The following SLC28A3 variants were observed in gnomAD, a reference collection of about 807,000 sequenced individuals.
SLC28A3 encodes concentrative Na(+)-nucleoside cotransporter 3.
In SLC28A3, 68 loss-of-function variants were observed where a neutral mutation model predicts 84.2. That is an observed-to-expected ratio of 0.81 (90% confidence interval 0.66 to 0.99). The LOEUF (loss-of-function observed/expected upper bound fraction) is 0.99, where lower values mean the gene tolerates loss of function less well. Among genes scored for constraint, SLC28A3 ranks in the 50% least tolerant of loss-of-function variants. The pLI, the probability that SLC28A3 is intolerant of heterozygous loss-of-function variation, is 0.00. For synonymous variants in SLC28A3, 267 were observed against 303.6 expected, an observed-to-expected ratio of 0.88 and a Z score of 1.25; for missense variants, 712 against 841.5, an observed-to-expected ratio of 0.85 and a Z score of 1.90.
chr9:84,305,019 C>T (rs1182883710), intron 4 of SLC28A3, among the ~76,000 whole-genome samples: 1 of 152,004 alleles, frequency 6.6e-6, no homozygotes, highest in African/African-American at 2.4e-5. Context: ...TAGACTCCAT[C>T]TCAAAGAAAA....
At chr9:84,309,011 G>A (rs571102989) in intron 3 of SLC28A3, among the ~76,000 whole-genome samples, 3 of 152,270 alleles carry the variant, frequency 2.0e-5, no homozygotes, top group African/African-American at 4.8e-5. Context: ...AACTGCATTC[G>A]TATGGACTGG....
intron 1 of SLC28A3, among the ~76,000 whole-genome samples, chr9:84,335,712 CGTGTGT>C (rs56259271): frequency 0.21 from 31,431 of 148,854 alleles, 3,891 homozygotes; most frequent in Middle Eastern, 0.29. Context: ...TATGTATATA[CGTGTGT>C]GTGTGTGTGT....
chr9:84,280,760 A>G (rs1824718107), intron 15 of SLC28A3, 41 bp downstream of exon 15: 1 of 1,598,074 alleles, frequency 6.3e-7, no homozygotes, highest in Non-Finnish European at 8.6e-7. Flanking sequence ...AAGTATGTCT[A>G]TGGCACATCT....
intron 1 of SLC28A3, among the ~76,000 whole-genome samples, chr9:84,314,210 C>CT (rs1048330745): frequency 6.6e-5 from 10 of 151,972 alleles, no homozygotes; most frequent in South Asian, 2.1e-4. Flanking sequence ...GAAAAATGCC[C>CT]TTTTTTGTGT....
At chr9:84,315,363 A>C (rs765753352) in intron 1 of SLC28A3, among the ~76,000 whole-genome samples, 1 of 152,126 alleles carries the variant, frequency 6.6e-6, no homozygotes, top group African/African-American at 2.4e-5. Context: ...CATACAACAC[A>C]GTTTGGATTT....
chr9:84,314,784 A>G (rs1031671663), intron 1 of SLC28A3, among the ~76,000 whole-genome samples: 5 of 152,204 alleles, frequency 3.3e-5, no homozygotes, highest in African/African-American at 4.8e-5. Context: ...TCTTGGTATA[A>G]AAATACAGCA....
At chr9:84,364,741 A>G in the SLC28A3 span, among the ~76,000 whole-genome samples, 1 of 151,962 alleles carries the variant, frequency 6.6e-6, no homozygotes, top group Non-Finnish European at 1.5e-5. Context: ...TTCAATTTTT[A>G]GATTCCACAA....
chr9:84,279,766 A>G (rs2118030389), intron 16 of SLC28A3, among the ~76,000 whole-genome samples: 1 of 152,282 alleles, frequency 6.6e-6, no homozygotes, highest in South Asian at 2.1e-4. Flanking sequence ...CATTTATTTT[A>G]TTAATTAAGG....
At chr9:84,344,918 C>T (rs150812899), upstream of SLC28A3, among the ~76,000 whole-genome samples, 13 of 152,312 alleles carry the variant, frequency 8.5e-5, no homozygotes, top group East Asian at 2.3e-3. Context: ...TGTGCCCTGA[C>T]CACCTTGGGC....
intron 6 of SLC28A3, 97 bp downstream of exon 6, chr9:84,299,484 T>A: frequency 6.7e-7 from 1 of 1,499,218 alleles, no homozygotes; most frequent in East Asian, 2.3e-5. Context: ...AGAAAAGTAC[T>A]GAACAATAGT....
intron 1 of SLC28A3, among the ~76,000 whole-genome samples, chr9:84,323,692 G>A (rs561308172): frequency 6.6e-6 from 1 of 152,044 alleles, no homozygotes; most frequent in Admixed American, 6.6e-5. Flanking sequence ...CAAAGTGCTG[G>A]GATTACAGGC....
chr9:84,367,063 C>T, the SLC28A3 span, among the ~76,000 whole-genome samples: 4 of 152,188 alleles, frequency 2.6e-5, no homozygotes. Flanking sequence ...TCTACCTGCA[C>T]TGTGGCTGAG....
the SLC28A3 span, among the ~76,000 whole-genome samples, chr9:84,366,286 C>T: frequency 6.6e-6 from 1 of 152,024 alleles, no homozygotes; most frequent in East Asian, 1.9e-4. Flanking sequence ...AGAGTTCTGA[C>T]CCTTCTGTGT....
At chr9:84,363,381 C>G in the SLC28A3 span, among the ~76,000 whole-genome samples, 1 of 152,132 alleles carries the variant, frequency 6.6e-6, no homozygotes, top group Non-Finnish European at 1.5e-5. Flanking sequence ...TCTTCATAAC[C>G]TTCAAGTATT....
intron 3 of SLC28A3, among the ~76,000 whole-genome samples, chr9:84,306,220 C>T (rs947924037): frequency 1.3e-4 from 20 of 152,142 alleles, no homozygotes; most frequent in Admixed American, 1.2e-3. Context: ...CTCCAGGCCA[C>T]GGGATAGCAC....
At chr9:84,323,568 G>A (rs1194437478) in intron 1 of SLC28A3, among the ~76,000 whole-genome samples, 6 of 151,970 alleles carry the variant, frequency 3.9e-5, no homozygotes, top group Non-Finnish European at 8.8e-5. Flanking sequence ...GGGAGTACAG[G>A]CGTGTGCCAC....
chr9:84,316,088 C>T (rs7853538), intron 1 of SLC28A3, among the ~76,000 whole-genome samples: 1,428 of 129,832 alleles, frequency 0.011, 27 homozygotes, highest in African/African-American at 0.066. Context: ...AGCCTAGTAA[C>T]CAGGAGTACA....
chr9:84,328,418 C>T (rs1387620510), intron 1 of SLC28A3, among the ~76,000 whole-genome samples: 1 of 151,636 alleles, frequency 6.6e-6, no homozygotes, highest in Non-Finnish European at 1.5e-5. Context: ...GGGCAAATTG[C>T]TTGATCCCAG....
chr9:84,324,645 G>A (rs1000107847), intron 1 of SLC28A3, among the ~76,000 whole-genome samples: 2 of 150,106 alleles, frequency 1.3e-5, no homozygotes, highest in African/African-American at 4.9e-5. Context: ...GTGAGACCCT[G>A]TCTTAAAAAA....
Sources: allele counts gnomAD v4.1 joint callset (sites outside exome capture counted in the v4.1 genomes callset), GRCh38; gene constraint gnomAD v4.1.1; transcripts MANE v1.5; gene names NCBI Gene and HGNC (gene_info 2026-07-23, HGNC 2026-07-21).